Variants in OR1A1 observed in about 807,000 individuals in gnomAD.
The protein encoded by OR1A1 is olfactory receptor 1A1.
For missense variants in OR1A1, 391 were observed against 379.9 expected, an observed-to-expected ratio of 1.03 and a Z score of -0.24; for synonymous variants, 145 against 147.8, an observed-to-expected ratio of 0.98 and a Z score of 0.13.
Position 3,216,095 on chromosome 17 carries a change from C to T in OR1A1, c.475C>T (p.His159Tyr). The change falls in exon 4 of 4, where the codon CAC (histidine) becomes TAC (tyrosine). Residue 159 changes from histidine (H) to tyrosine (Y), a missense_variant. Transcript: ENST00000641732. ...GATTGGAAATGCCAATGCCCTCCCC[C>T]ACACTCTGCTCACAGCTAGTCTGTC... is the stretch of plus-strand genomic sequence containing the variant. Reference protein sequence around the residue: ...WVIGNANALPHTLLTASLSFC... With the variant: ...WVIGNANALPYTLLTASLSFC... The T allele has an allele frequency of 1.2e-6, 2 of 1,614,192 alleles. No homozygotes were observed. The highest frequency in any genetic ancestry group is 1.7e-5 in the Admixed American group (1 of 60,018).
chr17:3,208,168 G>T (rs1214830567), intron 1 of OR1A1, among the ~76,000 whole-genome samples, 168 bp downstream of exon 1: 1 of 137,946 alleles, frequency 7.2e-6, no homozygotes, highest in Non-Finnish European at 1.6e-5. Context: ...GATAGAGATA[G>T]AGATATATAT....
At chr17:3,213,586 G>C (rs2048453145) in intron 3 of OR1A1, 1 of 152,170 alleles carries the variant, frequency 6.6e-6, no homozygotes. Context: ...ACAAAGTAAA[G>C]GTTTATTTCT....
At position 3,216,877 on chromosome 17, in the gene OR1A1, G is replaced by T. The variant is rs192532692; in HGVS notation, c.*327G>T. On this transcript the variant is annotated 3_prime_UTR_variant, in exon 4 of 4. Transcript: ENST00000641732. The stretch of plus-strand genomic sequence containing the variant: ...AATAAGTGCCCTACATGGGTCACAT[G>T]GTGTGTTGATTACAATAGCTCATGC... The T allele has an allele frequency of 7.3e-4, 168 of 229,332 alleles. No individual in the cohort carries two copies. The highest frequency in any genetic ancestry group is 3.7e-3 in the African/African-American group (163 of 44,184). 14.2% of individuals were successfully genotyped at this position (229,332 alleles called of 1,614,324 possible).
chr17:3,210,550 T>A (rs749594100), intron 2 of OR1A1, among the ~76,000 whole-genome samples: 3 of 152,204 alleles, frequency 2.0e-5, no homozygotes, highest in Admixed American at 1.3e-4. Context: ...ATGACTTGCC[T>A]GTTCAAGTCT....
At position 3,216,330 on chromosome 17, in the gene OR1A1, TCTC is replaced by T. The variant is rs1438548918; in HGVS notation, c.712_714del (p.Ser238del). On this transcript the variant is annotated inframe_deletion, in exon 4 of 4. Coordinates refer to ENST00000641732, the MANE Select transcript of OR1A1 (RefSeq NM_014565.3). ...TCCACCAAGGGCGTGCTCAAGGCCT[TCTC>T]CACCTGTGGTTCCCACCTCACGGTT... The T allele has an allele frequency of 6.2e-7, 1 of 1,614,192 alleles. No homozygotes were observed. The highest frequency in any genetic ancestry group is 1.7e-5 in the Admixed American group (1 of 60,022).
chr17:3,216,789 CT>C lies in OR1A1; in HGVS notation c.*240del. On this transcript the variant is annotated 3_prime_UTR_variant, in exon 4 of 4. Transcript: ENST00000641732. ...AGCACAGGGATATAGGGCATATGTCCTGATGAGCAGAGTCAAGTTGGGAAGA... is the reference window on the plus strand; with the variant it reads ...AGCACAGGGATATAGGGCATATGTCCGATGAGCAGAGTCAAGTTGGGAAGA... 2.4e-6 allele frequency: 1 copy of C among 420,276 alleles called. No homozygotes were observed. Among genetic ancestry groups the C allele is most frequent in the South Asian group, 5.2e-5 (1 of 19,162 alleles). 26.0% of individuals were successfully genotyped at this position (420,276 alleles called of 1,614,324 possible).
Position 3,208,176 on chromosome 17 carries a change from T to G in OR1A1, c.-557+176T>G, listed in dbSNP as rs4790123. Among the ~76,000 whole-genome samples the G allele has an allele frequency of 7.9e-3, 1,175 of 148,800 alleles. 13 individuals carry two copies. Among genetic ancestry groups the G allele is most frequent in the African/African-American group, 0.025 (1,038 of 40,794 alleles). ...AGATAGAGATAGAGATAGAGATATA[T>G]ATATAGAGAGAGAGAGAGGAGGAGG... On this transcript the variant is annotated intron_variant, in intron 1 of 3. Coordinates refer to ENST00000641732, the MANE Select transcript of OR1A1 (RefSeq NM_014565.3).
Position 3,217,801 on chromosome 17 carries a change from G to C in OR1A1, c.*1251G>C, listed in dbSNP as rs143453207. 5.3e-5 allele frequency: 8 copies of C among 152,254 alleles called. No homozygotes were observed. Among genetic ancestry groups the C allele is most frequent in the African/African-American group, 1.9e-4 (8 of 41,536 alleles). The allele number at this position is 152,254 out of a possible 1,614,324, so 9.4% of individuals were successfully genotyped here. A position where few individuals can be genotyped will look rare whatever the true frequency, so the allele number is the denominator to read the frequency against. On this transcript the variant is annotated 3_prime_UTR_variant, in exon 4 of 4. Transcript: ENST00000641732. ...CTCAAGATGGATTAAAGGCTTAAAC[G>C]TAAGACCTAAAACCATAAAAACCTT... is the stretch of plus-strand genomic sequence containing the variant.
At chr17:3,212,845 G>A (rs1399863976) in intron 3 of OR1A1, 1 of 152,418 alleles carries the variant, frequency 6.6e-6, no homozygotes, top group Non-Finnish European at 1.5e-5. Flanking sequence ...AGGGTTCTTG[G>A]AGAAATGGGC....
Position 3,217,215 on chromosome 17 carries a change from T to C in OR1A1, c.*665T>C, listed in dbSNP as rs1661686880. Reference sequence around the variant, plus strand: ...GAATAAAATACCTAGGAATACAGCTTACAAGGGACATGAAGGAACTCTTCA... The same window carrying C: ...GAATAAAATACCTAGGAATACAGCTCACAAGGGACATGAAGGAACTCTTCA... On this transcript the variant is annotated 3_prime_UTR_variant, in exon 4 of 4. Transcript: ENST00000641732. 6.6e-6 allele frequency: 1 copy of C among 152,070 alleles called. No individual in the cohort carries two copies. Among genetic ancestry groups the C allele is most frequent in the African/African-American group, 2.4e-5 (1 of 41,404 alleles). 9.4% of individuals were successfully genotyped at this position (152,070 alleles called of 1,614,324 possible).
In OR1A1 at chr17:3,218,064, T is replaced by C. The variant is rs2048479165; in HGVS notation, c.*1514T>C. On this transcript the variant is annotated 3_prime_UTR_variant, in exon 4 of 4. Transcript: ENST00000641732. Reference sequence around the variant, plus strand: ...CTAATATCTAGAATCTACAAAGAACTTAAATTTACAGGAAAAAAACCACCC... The same window carrying C: ...CTAATATCTAGAATCTACAAAGAACCTAAATTTACAGGAAAAAAACCACCC... 6.7e-6 allele frequency: 1 copy of C among 149,696 alleles called. No homozygotes were observed. The highest frequency in any genetic ancestry group is 2.1e-4 in the South Asian group (1 of 4,734). The allele number at this position is 149,696 out of a possible 1,614,324, so 9.3% of individuals were successfully genotyped here. A position where few individuals can be genotyped will look rare whatever the true frequency, so the allele number is the denominator to read the frequency against.
intron 2 of OR1A1, among the ~76,000 whole-genome samples, chr17:3,209,624 A>T (rs558656752): frequency 2.0e-5 from 3 of 152,292 alleles, no homozygotes; most frequent in South Asian, 2.1e-4. Context: ...TTTTTAAAAA[A>T]TTAGCTGGGA....
intron 1 of OR1A1, among the ~76,000 whole-genome samples, chr17:3,208,259 T>C (rs1226576480): frequency 6.6e-6 from 1 of 152,106 alleles, no homozygotes; most frequent in East Asian, 1.9e-4. Context: ...CTGTTGTCCA[T>C]GAAAACAGCA....
chr17:3,211,652 G>T (rs1161891713), intron 2 of OR1A1, among the ~76,000 whole-genome samples: 2 of 152,052 alleles, frequency 1.3e-5, no homozygotes, highest in Non-Finnish European at 2.9e-5. Flanking sequence ...ATGAATTTTT[G>T]GATCAGTTTG....
At chr17:3,210,820 G>A (rs1010795179) in intron 2 of OR1A1, among the ~76,000 whole-genome samples, 7 of 152,044 alleles carry the variant, frequency 4.6e-5, no homozygotes, top group African/African-American at 9.7e-5. Flanking sequence ...TATCCAGGCC[G>A]GTCTCCAACT....
chr17:3,216,879 T>C lies in OR1A1; in HGVS notation c.*329T>C, dbSNP rs1011182169. ...TAAGTGCCCTACATGGGTCACATGG[T>C]GTGTTGATTACAATAGCTCATGCTT... On this transcript the variant is annotated 3_prime_UTR_variant, in exon 4 of 4. Transcript: ENST00000641732. 1.8e-5 allele frequency: 4 copies of C among 227,062 alleles called. No homozygotes were observed. Among genetic ancestry groups the C allele is most frequent in the Admixed American group, 5.0e-5 (1 of 20,056 alleles). 14.1% of individuals were successfully genotyped at this position (227,062 alleles called of 1,614,324 possible). A position where few individuals can be genotyped will look rare whatever the true frequency, so the allele number is the denominator to read the frequency against.
Position 3,217,422 on chromosome 17 carries a change from C to T in OR1A1, c.*872C>T, listed in dbSNP as rs2048475609. On this transcript the variant is annotated 3_prime_UTR_variant, in exon 4 of 4. Coordinates refer to ENST00000641732, the MANE Select transcript of OR1A1 (RefSeq NM_014565.3). Reference sequence around the variant, plus strand: ...TGACATTCTTCACAGAATTAGAAAACACTTCTTTAAATTTCGTATGGAACT... The same window carrying T: ...TGACATTCTTCACAGAATTAGAAAATACTTCTTTAAATTTCGTATGGAACT... 1 of 152,086 alleles carries T rather than the reference C, an allele frequency of 6.6e-6. No individual in the cohort carries two copies. 9.4% of individuals were successfully genotyped at this position (152,086 alleles called of 1,614,324 possible). A position where few individuals can be genotyped will look rare whatever the true frequency, so the allele number is the denominator to read the frequency against.
Position 3,216,844 on chromosome 17 carries a change from T to G in OR1A1, c.*294T>G, listed in dbSNP as rs887513946. ...GAGCCTCAGCTTTCACATCTACATGTTAGGAATAATAAGTGCCCTACATGG... is the reference window on the plus strand; with the variant it reads ...GAGCCTCAGCTTTCACATCTACATGGTAGGAATAATAAGTGCCCTACATGG... On this transcript the variant is annotated 3_prime_UTR_variant, in exon 4 of 4. Coordinates refer to ENST00000641732, the MANE Select transcript of OR1A1 (RefSeq NM_014565.3). 6.7e-6 allele frequency: 2 copies of G among 297,836 alleles called. No individual in the cohort carries two copies. Among genetic ancestry groups the G allele is most frequent in the African/African-American group, 4.3e-5 (2 of 46,542 alleles). 18.4% of individuals were successfully genotyped at this position (297,836 alleles called of 1,614,324 possible). A position where few individuals can be genotyped will look rare whatever the true frequency, so the allele number is the denominator to read the frequency against.
chr17:3,214,520 A>G (rs1437718247), intron 3 of OR1A1: 2 of 114,952 alleles, frequency 1.7e-5, no homozygotes, highest in Non-Finnish European at 3.7e-5. Context: ...GTGAGACTCC[A>G]TCTCAAAAAA....
Sources: allele counts gnomAD v4.1 joint callset (sites outside exome capture counted in the v4.1 genomes callset), GRCh38; gene constraint gnomAD v4.1.1; transcripts MANE v1.5; gene names NCBI Gene and HGNC (gene_info 2026-07-23, HGNC 2026-07-21).